Variants in AFF1 observed in about 807,000 individuals in gnomAD.
The protein encoded by AFF1 is AF4/FMR2 family member 1.
Under a neutral mutation model 121.7 loss-of-function variants are expected in AFF1, and 48 were observed. The ratio of observed to expected loss-of-function variants is 0.39; its 90% confidence interval spans 0.31 to 0.50. The LOEUF is 0.50. AFF1 is among the 20% of genes least tolerant of loss of function. The pLI, the probability that AFF1 is intolerant of heterozygous loss-of-function variation, is 0.76. For synonymous variants in AFF1, 613 were observed against 563.0 expected (o/e 1.09, Z -1.26); for missense variants, 1,523 against 1,511.7 (o/e 1.01, Z -0.12).
intron 2 of AFF1, among the ~76,000 whole-genome samples, chr4:87,027,516 G>C (rs982941802): frequency 6.6e-6 from 1 of 152,186 alleles, no homozygotes; most frequent in Admixed American, 6.5e-5. Flanking sequence ...TTAACCAGAA[G>C]CCTGTAAATA....
chr4:86,964,394 TGTGAGCCACCGCACCCA>T (rs1560505276), intron 2 of AFF1, among the ~76,000 whole-genome samples: 2 of 146,550 alleles, frequency 1.4e-5, no homozygotes, highest in East Asian at 4.1e-4. Context: ...GGATTACAGG[TGTGAGCCACCGCACCCA>T]GCCGCCTGGG....
intron 2 of AFF1, among the ~76,000 whole-genome samples, chr4:86,986,084 G>T (rs62306475): frequency 0.19 from 19,688 of 101,176 alleles, 1,683 homozygotes; most frequent in Middle Eastern, 0.32. Context: ...TTAATTTAAT[G>T]TAATTGGAGA....
chr4:86,997,909 C>T (rs1725344621), intron 2 of AFF1, among the ~76,000 whole-genome samples: 1 of 151,922 alleles, frequency 6.6e-6, no homozygotes, highest in Non-Finnish European at 1.5e-5. Flanking sequence ...CCAGCCTGGC[C>T]AACATGGAGA....
At chr4:86,985,161 A>ATGTATTACT (rs1560518209) in intron 2 of AFF1, among the ~76,000 whole-genome samples, 1 of 36,980 alleles carries the variant, frequency 2.7e-5, no homozygotes, top group Non-Finnish European at 9.2e-5. Context: ...ATAAAAATAT[A>ATGTATTACT]ATATATATAA....
intron 1 of AFF1, among the ~76,000 whole-genome samples, chr4:86,944,508 A>G (rs1396812749): frequency 6.7e-6 from 1 of 149,712 alleles, no homozygotes; most frequent in African/African-American, 2.5e-5. Flanking sequence ...ACGCTTGGCT[A>G]ATTTTTTTTG....
intron 2 of AFF1, among the ~76,000 whole-genome samples, chr4:86,972,022 C>T (rs370780731): frequency 6.7e-6 from 1 of 150,206 alleles, no homozygotes; most frequent in African/African-American, 2.4e-5. Context: ...CCTGTAGACT[C>T]AGCTACATGG....
intron 20 of AFF1, among the ~76,000 whole-genome samples, chr4:87,134,962 C>G (rs1295110673): frequency 6.6e-6 from 1 of 152,224 alleles, no homozygotes; most frequent in Non-Finnish European, 1.5e-5. Flanking sequence ...GCTCTGCTGT[C>G]ATTACTTCAG....
At chr4:87,086,504 G>A (rs925956540) in intron 5 of AFF1, among the ~76,000 whole-genome samples, 2 of 152,178 alleles carry the variant, frequency 1.3e-5, no homozygotes, top group African/African-American at 2.4e-5. Context: ...TATAAATCAT[G>A]CCCATTTATG....
In AFF1 at chr4:87,138,729, T is replaced by G. The variant is rs1466104436; in HGVS notation, c.*3028T>G. ...AGTGGGAGGGCCCAGCAAGCATTTA[T>G]CAGAAATAGAATCACAATAGGAGGA... On this transcript the variant is annotated 3_prime_UTR_variant, in exon 21 of 21. Transcript: ENST00000395146. 1 of 231,100 alleles carries G rather than the reference T, an allele frequency of 4.3e-6. No homozygotes were observed. The highest frequency in any genetic ancestry group is 8.6e-6 in the Non-Finnish European group (1 of 116,820). The allele number at this position is 231,100 out of a possible 1,614,324, so 14.3% of individuals were successfully genotyped here. A position where few individuals can be genotyped will look rare whatever the true frequency, so the allele number is the denominator to read the frequency against.
chr4:86,997,457 T>C (rs997728007), intron 2 of AFF1, among the ~76,000 whole-genome samples: 6 of 152,192 alleles, frequency 3.9e-5, no homozygotes, highest in African/African-American at 1.4e-4. Flanking sequence ...ACATGCATTC[T>C]AAATATTTAA....
At chr4:87,041,128 T>G (rs999747342) in intron 2 of AFF1, among the ~76,000 whole-genome samples, 1 of 150,946 alleles carries the variant, frequency 6.6e-6, no homozygotes, top group Non-Finnish European at 1.5e-5. Flanking sequence ...CCGCCCACCT[T>G]GGCCTCCCAA....
At chr4:87,087,214 C>A (rs936249336) in intron 5 of AFF1, among the ~76,000 whole-genome samples, 4 of 152,158 alleles carry the variant, frequency 2.6e-5, no homozygotes, top group African/African-American at 9.7e-5. Flanking sequence ...TTTGTTTATT[C>A]AACAAATACT....
At chr4:86,977,280 T>C (rs974457351) in intron 2 of AFF1, among the ~76,000 whole-genome samples, 11 of 152,126 alleles carry the variant, frequency 7.2e-5, no homozygotes, top group Admixed American at 2.0e-4. Flanking sequence ...AGTGTAGATA[T>C]ACTGGACAAA....
At chr4:87,120,907 C>T (rs1044396416) in intron 12 of AFF1, among the ~76,000 whole-genome samples, 1 of 152,146 alleles carries the variant, frequency 6.6e-6, no homozygotes, top group African/African-American at 2.4e-5. Context: ...TGCACGGCAG[C>T]GCAGCCTGCC....
intron 2 of AFF1, among the ~76,000 whole-genome samples, chr4:87,002,065 G>C (rs1291532283): frequency 6.6e-6 from 1 of 151,774 alleles, no homozygotes; most frequent in Non-Finnish European, 1.5e-5. Context: ...GTTAGAATTC[G>C]GAATAAGGCA....
intron 2 of AFF1, among the ~76,000 whole-genome samples, chr4:86,957,211 G>T (rs927193719): frequency 6.6e-6 from 1 of 152,160 alleles, no homozygotes; most frequent in Non-Finnish European, 1.5e-5. Flanking sequence ...CATTGTCTTT[G>T]TAGGGATACT....
intron 4 of AFF1, among the ~76,000 whole-genome samples, chr4:87,072,052 A>C (rs1029525089): frequency 6.6e-6 from 1 of 152,280 alleles, no homozygotes; most frequent in South Asian, 2.1e-4. Context: ...AGAGAAAATA[A>C]TATGAATGCT....
intron 4 of AFF1, among the ~76,000 whole-genome samples, chr4:87,075,472 CATG>C (rs1722560266): frequency 2.0e-5 from 3 of 152,164 alleles, no homozygotes; most frequent in Admixed American, 6.5e-5. Context: ...ACATCTCTAA[CATG>C]ATCTTCCAGT....
intron 2 of AFF1, chr4:86,949,539 T>TATTTA: frequency 7.0e-6 from 1 of 142,960 alleles, no homozygotes. Flanking sequence ...TTATTATTAT[T>TATTTA]TTTTTTTTTT....
Sources: allele counts gnomAD v4.1 joint callset (sites outside exome capture counted in the v4.1 genomes callset), GRCh38; gene constraint gnomAD v4.1.1; transcripts MANE v1.5; gene names NCBI Gene and HGNC (gene_info 2026-07-23, HGNC 2026-07-21).